CAPRIN1: variants seen among roughly 807,000 people sequenced by gnomAD.
CAPRIN1 encodes the protein cell cycle associated protein 1, also known as caprin-1.
A neutral mutation model predicts 100.9 loss-of-function variants in CAPRIN1; 29 were observed. That is an observed-to-expected ratio of 0.29 (90% CI 0.21 to 0.39). The LOEUF is 0.39. Ranked by LOEUF, CAPRIN1 falls within the 10% of genes least tolerant of loss-of-function variation. The pLI, the probability that CAPRIN1 is intolerant of heterozygous loss-of-function variation, is 1.00. For missense variants in CAPRIN1, 795 were observed against 876.7 expected (o/e 0.91, Z 1.18); for synonymous variants, 338 against 307.5 (o/e 1.10, Z -1.04).
chr11:34,076,742 T>G (rs1271194414), intron 6 of CAPRIN1, 100 bp downstream of exon 6: 4 of 875,058 alleles, frequency 4.6e-6, no homozygotes, highest in Non-Finnish European at 7.1e-6. Context: ...ATTAGTTTTT[T>G]TTTTTTTTTG....
chr11:34,089,467 TA>T lies in CAPRIN1; in HGVS notation c.1293+15del, dbSNP rs1340975043. 1 of 1,557,284 alleles carries T rather than the reference TA, an allele frequency of 6.4e-7. No individual in the cohort carries two copies. Among genetic ancestry groups the T allele is most frequent in the Non-Finnish European group, 8.8e-7 (1 of 1,132,654 alleles). ...CCAGAAGCGACACAGGTAAGAGTGA[TA>T]AAACTATTTTCTTCAGGGCCAGGTT... On this transcript the variant is annotated intron_variant, in intron 12 of 18. Transcript: ENST00000341394.
At chr11:34,072,337 A>C (rs1019834607) in intron 4 of CAPRIN1, among the ~76,000 whole-genome samples, 6 of 152,002 alleles carry the variant, frequency 3.9e-5, no homozygotes, top group African/African-American at 9.7e-5. Flanking sequence ...AAAAACATTA[A>C]ATTTAAAAAT....
intron 9 of CAPRIN1, among the ~76,000 whole-genome samples, chr11:34,085,760 C>T (rs1314120507): frequency 6.6e-6 from 1 of 151,980 alleles, no homozygotes; most frequent in East Asian, 1.9e-4. Context: ...GTCGAGATCC[C>T]GCCACTGCTG....
chr11:34,079,601 C>G (rs898107101), intron 6 of CAPRIN1, 27 bp from the exon 7 acceptor site: 2 of 1,600,868 alleles, frequency 1.2e-6, no homozygotes, highest in African/African-American at 2.7e-5. Flanking sequence ...ATAAGTCTTA[C>G]ATTATAATTC....
chr11:34,079,825 C>A, intron 7 of CAPRIN1, 60 bp downstream of exon 7: 3 of 1,464,486 alleles, frequency 2.0e-6, no homozygotes, highest in East Asian at 2.5e-5. Flanking sequence ...GATTTTGCTA[C>A]AAATTTAAAC....
chr11:34,080,946 T>A (rs1851017591), intron 7 of CAPRIN1, among the ~76,000 whole-genome samples: 1 of 152,228 alleles, frequency 6.6e-6, no homozygotes, highest in Admixed American at 6.5e-5. Flanking sequence ...CTTTACTAAG[T>A]AAAGTAAGAT....
intron 2 of CAPRIN1, chr11:34,056,337 A>G (rs1850450627): frequency 6.6e-6 from 1 of 152,178 alleles, no homozygotes; most frequent in Non-Finnish European, 1.5e-5. Flanking sequence ...ATTGTACTTT[A>G]AAAAACAAAG....
At chr11:34,085,430 A>G (rs916369994) in intron 9 of CAPRIN1, among the ~76,000 whole-genome samples, 1 of 151,234 alleles carries the variant, frequency 6.6e-6, no homozygotes, top group African/African-American at 2.4e-5. Flanking sequence ...TCCAGTTACT[A>G]TAGAAGGCAT....
intron 18 of CAPRIN1, chr11:34,098,246 A>G: frequency 2.0e-6 from 2 of 986,114 alleles, no homozygotes; most frequent in Non-Finnish European, 2.4e-6. Flanking sequence ...TGATAGAACT[A>G]ATGGAATTTG....
rs1303721042 is a variant in CAPRIN1 at position 34,102,072 on chromosome 11, A to C, written c.*2705A>C. Among the ~76,000 whole-genome samples the C allele has an allele frequency of 1.3e-5, 2 of 152,236 alleles. No individual in the cohort carries two copies. Among genetic ancestry groups the C allele is most frequent in the Non-Finnish European group, 2.9e-5 (2 of 68,038 alleles). On this transcript the variant is annotated 3_prime_UTR_variant, in exon 19 of 19. Coordinates refer to ENST00000341394, the MANE Select transcript of CAPRIN1 (RefSeq NM_005898.5). ...TTTCAATCATTGTACCTTGATATTA[A>C]AACAAATATCCTTTAAGTATTTCTA...
chr11:34,072,543 G>A (rs998254167), intron 4 of CAPRIN1, among the ~76,000 whole-genome samples: 1 of 152,178 alleles, frequency 6.6e-6, no homozygotes, highest in East Asian at 1.9e-4. Flanking sequence ...AAAGAGGCTC[G>A]TTTATATAAT....
chr11:34,085,437 G>A (rs949238751), intron 9 of CAPRIN1, among the ~76,000 whole-genome samples: 5 of 149,188 alleles, frequency 3.4e-5, no homozygotes, highest in Admixed American at 6.7e-5. Context: ...ACTATAGAAG[G>A]CATAACAGTT....
chr11:34,067,145 G>T (rs187420442), intron 2 of CAPRIN1, among the ~76,000 whole-genome samples: 1 of 152,084 alleles, frequency 6.6e-6, no homozygotes, highest in African/African-American at 2.4e-5. Context: ...GACCAAGATG[G>T]TCTTGAACTC....
chr11:34,071,925 G>T lies in CAPRIN1; in HGVS notation c.304G>T (p.Val102Phe). 1 of 1,613,518 alleles carries T rather than the reference G, an allele frequency of 6.2e-7. No individual in the cohort carries two copies. Among genetic ancestry groups the T allele is most frequent in the Non-Finnish European group, 8.5e-7 (1 of 1,179,622 alleles). The change falls in exon 4 of 19, where the codon GTC (valine) becomes TTC (phenylalanine). Residue 102 changes from valine (V) to phenylalanine (F), a missense_variant. Physicochemically the swap from Val to Phe is conservative, Grantham distance 50. Around this residue, in one of 3 missense-constraint regions of CAPRIN1, gnomAD observed 38 missense variants for 92.3 expected, o/e 0.41. Transcript: ENST00000341394. ...GGATGCCGTTTCTAAGTACCAGGAA[G>T]TCACAAATAATTTGGAGTTTGCAAA... ...QLDAVSKYQE[V>F]TNNLEFAKEL...
intron 7 of CAPRIN1, among the ~76,000 whole-genome samples, chr11:34,082,147 A>G (rs1751146268): frequency 6.6e-6 from 1 of 151,558 alleles, no homozygotes; most frequent in African/African-American, 2.4e-5. Flanking sequence ...GATTTATTAC[A>G]CTTTATGGCA....
chr11:34,098,267 T>G, intron 18 of CAPRIN1: 1 of 985,914 alleles, frequency 1.0e-6, no homozygotes, highest in Non-Finnish European at 1.2e-6. Context: ...CAATGCCTTT[T>G]GGACCTCTAT....
At chr11:34,077,606 C>T (rs906714120) in intron 6 of CAPRIN1, among the ~76,000 whole-genome samples, 1 of 151,948 alleles carries the variant, frequency 6.6e-6, no homozygotes, top group African/African-American at 2.4e-5. Context: ...TTATCTTTGC[C>T]ATTTATAAGG....
At chr11:34,085,377 A>G (rs1039433356) in intron 9 of CAPRIN1, among the ~76,000 whole-genome samples, 1 of 152,266 alleles carries the variant, frequency 6.6e-6, no homozygotes, top group African/African-American at 2.4e-5. Context: ...AGTGCTATGT[A>G]CCAGGTTGTG....
intron 14 of CAPRIN1, 27 bp from the exon 15 acceptor site, chr11:34,091,879 C>A: frequency 6.3e-7 from 1 of 1,588,758 alleles, no homozygotes; most frequent in Non-Finnish European, 8.6e-7. Context: ...AAAGGATGAA[C>A]TAATCATTTA....
Sources: gnomAD v4.1 joint callset for allele counts (sites outside exome capture counted in the v4.1 genomes callset) on GRCh38, gnomAD v4.1.1 for gene constraint, gnomAD v4.1.1 regional missense constraint, MANE v1.5 for transcripts, NCBI Gene and HGNC (gene_info 2026-07-23, HGNC 2026-07-21) for gene names.